The following CAPZB variants were observed in gnomAD, a reference collection of about 807,000 sequenced individuals.
CAPZB encodes capping actin protein of muscle Z-line subunit beta, also known as F-actin-capping protein subunit beta.
CAPZB carries 2 observed loss-of-function variants against 38.1 expected under a neutral mutation model. The observed-to-expected ratio is 0.05, with a 90% CI of 0.02 to 0.17. CAPZB has a LOEUF of 0.17. Ranked by LOEUF, CAPZB falls within the 10% of genes least tolerant of loss-of-function variation. The pLI is 1.00. For missense variants in CAPZB, 161 were observed against 334.2 expected (o/e 0.48, Z 4.04); for synonymous variants, 107 against 127.4 (o/e 0.84, Z 1.08).
intron 2 of CAPZB, among the ~76,000 whole-genome samples, chr1:19,405,602 C>A (rs2094327655): frequency 6.8e-6 from 1 of 146,768 alleles, no homozygotes; most frequent in African/African-American, 2.5e-5. Context: ...CAGCCTGGGG[C>A]AAATCTCCTG....
chr1:19,343,335 C>T (rs537641718), intron 8 of CAPZB, among the ~76,000 whole-genome samples: 16 of 152,324 alleles, frequency 1.1e-4, no homozygotes, highest in Non-Finnish European at 2.2e-4. Flanking sequence ...TGAAATCTGT[C>T]GCCCACCCCA....
chr1:19,368,736 T>C (rs918416445), intron 4 of CAPZB, among the ~76,000 whole-genome samples: 1 of 150,346 alleles, frequency 6.7e-6, no homozygotes, highest in African/African-American at 2.5e-5. Context: ...GGTGGGACCA[T>C]AGTTCACTGC....
chr1:19,404,251 A>T (rs1166642670), intron 2 of CAPZB, among the ~76,000 whole-genome samples: 13 of 150,650 alleles, frequency 8.6e-5, no homozygotes, highest in East Asian at 2.0e-4. Context: ...AAAAAAAAAA[A>T]AAAAAAATAT....
chr1:19,369,530 G>A (rs796510217), intron 4 of CAPZB, among the ~76,000 whole-genome samples: 13 of 152,366 alleles, frequency 8.5e-5, no homozygotes, highest in African/African-American at 3.1e-4. Context: ...CAGAGGCCCT[G>A]TGCGCACATG....
chr1:19,471,621 T>C (rs2094587566), intron 1 of CAPZB, among the ~76,000 whole-genome samples: 1 of 151,890 alleles, frequency 6.6e-6, no homozygotes, highest in Non-Finnish European at 1.5e-5. Context: ...TCCCAGCACT[T>C]TGGGAGGTCA....
At chr1:19,382,432 G>A (rs1187132131) in intron 3 of CAPZB, among the ~76,000 whole-genome samples, 2 of 152,118 alleles carry the variant, frequency 1.3e-5, no homozygotes, top group East Asian at 1.9e-4. Context: ...TCAGCTAACA[G>A]GTTTCAAACG....
At chr1:19,419,258 C>T (rs970582864) in intron 2 of CAPZB, among the ~76,000 whole-genome samples, 5 of 152,178 alleles carry the variant, frequency 3.3e-5, no homozygotes, top group Admixed American at 6.5e-5. Flanking sequence ...TACAGGTAGA[C>T]GCTTGTACTG....
intron 1 of CAPZB, among the ~76,000 whole-genome samples, chr1:19,443,090 T>A (rs2094483770): frequency 6.6e-6 from 1 of 152,074 alleles, no homozygotes; most frequent in Non-Finnish European, 1.5e-5. Flanking sequence ...AACAGGATTT[T>A]AAAAATCCAT....
intron 1 of CAPZB, among the ~76,000 whole-genome samples, chr1:19,446,622 C>A (rs547339177): frequency 9.7e-6 from 1 of 103,442 alleles, no homozygotes; most frequent in Non-Finnish European, 2.3e-5. Flanking sequence ...CACTGCTCCA[C>A]GGCAAAAAAA....
intron 1 of CAPZB, among the ~76,000 whole-genome samples, chr1:19,447,272 C>CT (rs35692222): frequency 0.015 from 1,091 of 74,866 alleles, 128 homozygotes; most frequent in Middle Eastern, 0.032. Flanking sequence ...CAGACCTAAT[C>CT]TTTTTTTTTT....
At chr1:19,347,408 C>G (rs917856922) in intron 6 of CAPZB, among the ~76,000 whole-genome samples, 4 of 152,158 alleles carry the variant, frequency 2.6e-5, no homozygotes, top group African/African-American at 9.7e-5. Flanking sequence ...CATCTACCAT[C>G]CTGCACCTGT....
intron 1 of CAPZB, among the ~76,000 whole-genome samples, chr1:19,441,741 C>T (rs973346792): frequency 1.3e-5 from 2 of 151,754 alleles, no homozygotes; most frequent in Non-Finnish European, 2.9e-5. Context: ...GGCACAGTGG[C>T]TCATGCCTAT....
rs771852138 is a variant in CAPZB, at chr1:19,345,071, G to A, written c.654+116C>T. 2.7e-5 allele frequency: 22 copies of A among 802,148 alleles called. No homozygotes were observed. In the East Asian group the frequency reaches 3.4e-4, roughly 12 times the overall value. The allele number at this position is 802,148 out of a possible 1,614,324, so 49.7% of individuals were successfully genotyped here. On this transcript the variant is annotated intron_variant, in intron 7 of 8. Transcript: ENST00000264202. ...GGCAAAATCCAAGAAGCGCTCTGCC[G>A]GCTGCGGTGGAGCTGAGAGAAAGCA... is the stretch of plus-strand genomic sequence containing the variant.
chr1:19,446,104 C>T (rs72653944), intron 1 of CAPZB, among the ~76,000 whole-genome samples: 26,799 of 152,122 alleles, frequency 0.18, 2,675 homozygotes, highest in South Asian at 0.29. Context: ...CCAGTCTACA[C>T]GGGAGGCAGG....
intron 1 of CAPZB, among the ~76,000 whole-genome samples, chr1:19,424,120 T>G (rs553903718): frequency 2.0e-5 from 3 of 152,268 alleles, no homozygotes; most frequent in African/African-American, 7.2e-5. Flanking sequence ...CCATGAACAC[T>G]CTTATTATTT....
chr1:19,471,583 G>C (rs982982075), intron 1 of CAPZB, among the ~76,000 whole-genome samples: 6 of 101,110 alleles, frequency 5.9e-5, no homozygotes, highest in African/African-American at 1.8e-4. Flanking sequence ...ATGCTTCCTC[G>C]GCTGGGCGCT....
chr1:19,350,406 AGCAC>A (rs1179608481), intron 6 of CAPZB, among the ~76,000 whole-genome samples: 1 of 152,272 alleles, frequency 6.6e-6, no homozygotes, highest in East Asian at 1.9e-4. Context: ...CTCCATCCCC[AGCAC>A]TCTTCTGGCC....
chr1:19,354,579 C>T lies in CAPZB; in HGVS notation c.588+2056G>A, dbSNP rs115611356. 9.1e-3 allele frequency among the ~76,000 whole-genome samples: 1,382 copies of T among 152,328 alleles called. 25 individuals are homozygous for T. Among genetic ancestry groups the T allele is most frequent in the African/African-American group, 0.031 (1,307 of 41,572 alleles). Reference sequence around the variant, plus strand: ...AGCAAAAGGCAACGCAAACAAAGTCCGAAGCCCTGGCCAAGGTGTGCTGAG... The same window carrying T: ...AGCAAAAGGCAACGCAAACAAAGTCTGAAGCCCTGGCCAAGGTGTGCTGAG... On this transcript the variant is annotated intron_variant, in intron 6 of 8. Transcript: ENST00000264202.
chr1:19,341,444 GA>G (rs1273060609), intron 8 of CAPZB, among the ~76,000 whole-genome samples: 1 of 152,064 alleles, frequency 6.6e-6, no homozygotes, highest in Non-Finnish European at 1.5e-5. Flanking sequence ...ACACGAAGGA[GA>G]AAGTTCCAGA....
Sources: gnomAD v4.1 joint callset for allele counts (sites outside exome capture counted in the v4.1 genomes callset) on GRCh38, gnomAD v4.1.1 for gene constraint, MANE v1.5 for transcripts, NCBI Gene and HGNC (gene_info 2026-07-23, HGNC 2026-07-21) for gene names.